Variants in ERC2 observed in about 807,000 individuals in gnomAD.
ERC2 encodes ERC protein 2.
ERC2 carries 42 observed loss-of-function variants against 114.8 expected under a neutral mutation model. The ratio of observed to expected loss-of-function variants is 0.37; its 90% CI spans 0.29 to 0.47. ERC2 has a LOEUF of 0.47. Ranked by LOEUF, ERC2 falls within the 20% of genes least tolerant of loss-of-function variation. The pLI is 0.99. For missense variants in ERC2, 939 were observed against 1,150.7 expected (o/e 0.82, Z 2.66); for synonymous variants, 454 against 425.5 (o/e 1.07, Z -0.82).
chr3:55,791,033 T>A (rs545589266), intron 14 of ERC2, among the ~76,000 whole-genome samples: 1 of 152,332 alleles, frequency 6.6e-6, no homozygotes, highest in South Asian at 2.1e-4. Context: ...AGGGTCATCA[T>A]GAGACTCAAG....
At chr3:56,112,183 C>A (rs2078996368) in intron 6 of ERC2, among the ~76,000 whole-genome samples, 1 of 152,152 alleles carries the variant, frequency 6.6e-6, no homozygotes, top group Non-Finnish European at 1.5e-5. Flanking sequence ...CCAGGAGGTT[C>A]TCATCACTTG....
chr3:55,997,111 T>C (rs956122553), intron 10 of ERC2, among the ~76,000 whole-genome samples: 2 of 152,146 alleles, frequency 1.3e-5, no homozygotes, highest in Non-Finnish European at 2.9e-5. Flanking sequence ...TATAACACGT[T>C]CCCTTTGAAA....
At chr3:55,947,687 G>A (rs113346674) in intron 13 of ERC2, among the ~76,000 whole-genome samples, 7 of 152,294 alleles carry the variant, frequency 4.6e-5, no homozygotes, top group African/African-American at 1.4e-4. Context: ...GAAGTGCCCA[G>A]CCAAACCCAC....
intron 17 of ERC2, among the ~76,000 whole-genome samples, chr3:55,591,832 A>C (rs538046172): frequency 8.3e-4 from 127 of 152,316 alleles, no homozygotes; most frequent in African/African-American, 2.9e-3. Flanking sequence ...ACCAATGAGG[A>C]AAATGAGGCT....
intron 14 of ERC2, among the ~76,000 whole-genome samples, chr3:55,737,488 A>T (rs866069785): frequency 6.6e-6 from 1 of 152,212 alleles, no homozygotes; most frequent in Admixed American, 6.5e-5. Flanking sequence ...GCTATCTGCT[A>T]TTCCAAACTT....
At chr3:56,294,775 T>C (rs1281499725) in intron 3 of ERC2, among the ~76,000 whole-genome samples, 3 of 152,210 alleles carry the variant, frequency 2.0e-5, no homozygotes, top group Non-Finnish European at 4.4e-5. Context: ...GGAGGCCATC[T>C]TGGAAGTCTT....
At chr3:56,252,670 T>C (rs1326974828) in intron 3 of ERC2, among the ~76,000 whole-genome samples, 4 of 147,456 alleles carry the variant, frequency 2.7e-5, no homozygotes, top group Admixed American at 2.1e-4. Flanking sequence ...GGCAGGAGAA[T>C]TGCTTGAATC....
At chr3:55,673,582 AAAAAAAT>A (rs1328933223) in intron 17 of ERC2, among the ~76,000 whole-genome samples, 1 of 152,138 alleles carries the variant, frequency 6.6e-6, no homozygotes, top group African/African-American at 2.4e-5. Flanking sequence ...ACTCCGTCTC[AAAAAAAT>A]AAAAAATAAA....
intron 13 of ERC2, among the ~76,000 whole-genome samples, chr3:55,930,116 G>A (rs1038798170): frequency 6.6e-6 from 1 of 152,160 alleles, no homozygotes; most frequent in Non-Finnish European, 1.5e-5. Context: ...GTGGGCACCT[G>A]TAATCCCAGC....
intron 7 of ERC2, among the ~76,000 whole-genome samples, chr3:56,044,347 T>G (rs1317089355): frequency 1.3e-5 from 2 of 152,316 alleles, no homozygotes; most frequent in Non-Finnish European, 2.9e-5. Context: ...TTAGGATTTT[T>G]TTTTCAAGAA....
chr3:55,521,139 G>A (rs2052902978), intron 17 of ERC2, among the ~76,000 whole-genome samples: 1 of 152,198 alleles, frequency 6.6e-6, no homozygotes, highest in Non-Finnish European at 1.5e-5. Context: ...TTACTCTTGG[G>A]CTGGTGACTA....
intron 17 of ERC2, chr3:55,606,699 C>T (rs1007908306): frequency 2.0e-5 from 3 of 152,318 alleles, no homozygotes; most frequent in Non-Finnish European, 2.9e-5. Context: ...AATCCAAGCT[C>T]ATTATGCAGA....
intron 2 of ERC2, among the ~76,000 whole-genome samples, chr3:56,302,020 A>G (rs1483356641): frequency 6.6e-6 from 1 of 152,266 alleles, no homozygotes; most frequent in East Asian, 1.9e-4. Flanking sequence ...ACAAAAAACT[A>G]TATTCAGAAA....
Position 55,879,130 on chromosome 3 carries a change from A to G in ERC2, c.2564+9259T>C, listed in dbSNP as rs112466396. Among the ~76,000 whole-genome samples the G allele has an allele frequency of 4.6e-3, 408 of 89,084 alleles. 2 individuals are homozygous for G. The highest frequency in any genetic ancestry group is 0.019 in the African/African-American group (385 of 20,568). The allele number at this position is 89,084 out of a possible 152,430, so 58.4% of individuals were successfully genotyped here. On this transcript the variant is annotated intron_variant, in intron 14 of 17. Coordinates refer to ENST00000288221, the MANE Select transcript of ERC2 (RefSeq NM_015576.3). ...TTTTTTGGCAGAGTTTCTGCATTCA[A>G]ATTAAGTCCCTCAAGGGAAGGAACG...
rs1302616781 is a variant in ERC2, at chr3:55,528,973, G to T, written c.*40-17697C>A. On this transcript the variant is annotated intron_variant, in intron 17 of 17. Transcript: ENST00000288221. The stretch of plus-strand genomic sequence containing the variant: ...CACATCTTTTAAGATGAAGACAGTG[G>T]ATCTCAGAGAGGCTAAATCCAAGGT... Among the ~76,000 whole-genome samples, 3 of 152,166 alleles carry T rather than the reference G, an allele frequency of 2.0e-5. No individual in the cohort carries two copies. The South Asian group carries it at 6.2e-4, about 32-fold the overall frequency.
chr3:55,796,996 T>C lies in ERC2; in HGVS notation c.2565-62078A>G, dbSNP rs149002820. ...ATTCAAACACCTTTGAGAAATGGTG[T>C]AAATGAAAATCCTGAAAACATCTAG... On this transcript the variant is annotated intron_variant, in intron 14 of 17. Transcript: ENST00000288221. Among the ~76,000 whole-genome samples the C allele has an allele frequency of 2.6e-3, 397 of 152,210 alleles. 2 individuals are homozygous for C. The highest frequency in any genetic ancestry group is 4.6e-3 in the Non-Finnish European group (313 of 68,000).
chr3:56,341,369 G>A (rs2058083777), intron 2 of ERC2, among the ~76,000 whole-genome samples: 1 of 152,160 alleles, frequency 6.6e-6, no homozygotes, highest in Non-Finnish European at 1.5e-5. Flanking sequence ...ACAGGGCACT[G>A]GGACCTGAGC....
chr3:55,706,474 G>A (rs2063495785), intron 15 of ERC2, among the ~76,000 whole-genome samples: 1 of 152,076 alleles, frequency 6.6e-6, no homozygotes, highest in Non-Finnish European at 1.5e-5. Context: ...TCGGCTCACT[G>A]TAACCTCTAC....
chr3:56,406,756 G>C (rs1560768733), intron 2 of ERC2, among the ~76,000 whole-genome samples: 1 of 151,996 alleles, frequency 6.6e-6, no homozygotes, highest in Non-Finnish European at 1.5e-5. Flanking sequence ...GAAAGAGAGA[G>C]GGAAAAAAAT....
Sources: allele counts gnomAD v4.1 joint callset (sites outside exome capture counted in the v4.1 genomes callset), GRCh38; gene constraint gnomAD v4.1.1; transcripts MANE v1.5; gene names NCBI Gene and HGNC (gene_info 2026-07-23, HGNC 2026-07-21).